The following RTL4 variants were observed in gnomAD, a reference collection of about 807,000 sequenced individuals.
RTL4 encodes retrotransposon Gag-like protein 4.
RTL4 carries 4 observed loss-of-function variants against 5.3 expected under a neutral mutation model. The ratio of observed to expected loss-of-function variants is 0.75; its 90% confidence interval spans 0.37 to 1.72. The LOEUF is 1.72. Among genes scored for constraint, RTL4 ranks in the 40% most tolerant of loss-of-function variants. RTL4 has a pLI of 0.04. For synonymous variants in RTL4, 98 were observed against 87.3 expected (o/e 1.12, Z -0.68); for missense variants, 260 against 227.1 (o/e 1.14, Z -0.93).
At chrX:112,130,160 G>T in the RTL4 span, among the ~76,000 whole-genome samples, 1 of 111,169 alleles carries the variant, frequency 9.0e-6, no homozygotes, top group African/African-American at 3.3e-5. Flanking sequence ...GAAATGTAAA[G>T]GGCCTAGATT....
At chrX:112,089,065 A>T in the RTL4 span, among the ~76,000 whole-genome samples, 2 of 110,369 alleles carry the variant, frequency 1.8e-5, no homozygotes, top group East Asian at 2.8e-4. Flanking sequence ...AAAGTATTAA[A>T]GCTTATTGAA....
chrX:112,236,716 A>G, the RTL4 span, among the ~76,000 whole-genome samples: 6 of 108,470 alleles, frequency 5.5e-5, no homozygotes, highest in African/African-American at 2.0e-4. Flanking sequence ...GGAGATGGAT[A>G]AAATAGTAAA....
the RTL4 span, among the ~76,000 whole-genome samples, chrX:112,138,600 A>G: frequency 2.7e-5 from 3 of 110,982 alleles, no homozygotes; most frequent in African/African-American, 9.8e-5. Context: ...TTAAGTCTTG[A>G]AATTACATGG....
the RTL4 span, among the ~76,000 whole-genome samples, chrX:112,318,431 G>A: frequency 4.5e-5 from 5 of 111,382 alleles, no homozygotes; most frequent in South Asian, 1.5e-3. Context: ...ACAATCCCTG[G>A]CACACATGAG....
chrX:112,440,777 T>C, the RTL4 span, among the ~76,000 whole-genome samples: 2 of 112,106 alleles, frequency 1.8e-5, no homozygotes, highest in Non-Finnish European at 3.8e-5. Flanking sequence ...AGCTGCTATA[T>C]CTAATATGAG....
the RTL4 span, among the ~76,000 whole-genome samples, chrX:112,414,380 T>C: frequency 8.9e-6 from 1 of 111,879 alleles, no homozygotes; most frequent in Admixed American, 9.5e-5. Context: ...TTCAGAGGTT[T>C]AAGTCTCGTT....
the RTL4 span, among the ~76,000 whole-genome samples, chrX:112,190,889 C>T: frequency 2.4e-3 from 267 of 111,806 alleles, 1 homozygote; most frequent in African/African-American, 8.2e-3. Flanking sequence ...GGTGCTACGG[C>T]AATAGTATCC....
the RTL4 span, among the ~76,000 whole-genome samples, chrX:112,436,521 A>G: frequency 8.9e-6 from 1 of 112,163 alleles, no homozygotes. Context: ...CAGTCTCTTT[A>G]TGAACAGAAA....
At chrX:112,368,766 C>CAAT in the RTL4 span, among the ~76,000 whole-genome samples, 1 of 112,047 alleles carries the variant, frequency 8.9e-6, no homozygotes, top group Non-Finnish European at 1.9e-5. Context: ...TATGAACTGA[C>CAAT]AAGCTAAAGT....
At chrX:112,203,803 G>A in the RTL4 span, among the ~76,000 whole-genome samples, 3 of 112,080 alleles carry the variant, frequency 2.7e-5, no homozygotes, top group Non-Finnish European at 5.6e-5. Flanking sequence ...AATTTTGCTA[G>A]GATTTTGATA....
chrX:112,401,763 T>A, the RTL4 span, among the ~76,000 whole-genome samples: 3 of 112,008 alleles, frequency 2.7e-5, no homozygotes, highest in Middle Eastern at 4.6e-3. Flanking sequence ...CAAACTTCAT[T>A]TCTTTCTTCC....
At chrX:112,418,253 A>T in the RTL4 span, among the ~76,000 whole-genome samples, 294 of 112,270 alleles carry the variant, frequency 2.6e-3, no homozygotes, top group African/African-American at 9.0e-3. Context: ...TGGCTGAATT[A>T]TGTGGTGTGA....
the RTL4 span, among the ~76,000 whole-genome samples, chrX:112,164,463 T>C: frequency 8.9e-6 from 1 of 112,097 alleles, no homozygotes; most frequent in Middle Eastern, 4.6e-3. Flanking sequence ...TCTCAATACT[T>C]TAGTCAGCTG....
chrX:112,248,350 G>C, the RTL4 span, among the ~76,000 whole-genome samples: 1 of 112,442 alleles, frequency 8.9e-6, no homozygotes, highest in African/African-American at 3.2e-5. Flanking sequence ...AAAGCAGCTT[G>C]AGTAGCCAGA....
At chrX:112,256,224 A>G in the RTL4 span, among the ~76,000 whole-genome samples, 5 of 112,268 alleles carry the variant, frequency 4.5e-5, no homozygotes, top group Non-Finnish European at 5.6e-5. Flanking sequence ...ATTTGTTCAA[A>G]CATTATGAAA....
At chrX:112,096,030 G>A in the RTL4 span, among the ~76,000 whole-genome samples, 1 of 111,771 alleles carries the variant, frequency 8.9e-6, no homozygotes, top group Admixed American at 9.5e-5. Flanking sequence ...CAAATGACAG[G>A]TGCCTTAAAG....
chrX:112,241,683 G>A, the RTL4 span, among the ~76,000 whole-genome samples: 3 of 112,062 alleles, frequency 2.7e-5, no homozygotes, highest in African/African-American at 9.7e-5. Flanking sequence ...TTGCTGTGGA[G>A]AAGCTCTTTA....
the RTL4 span, among the ~76,000 whole-genome samples, chrX:112,281,516 C>A: frequency 9.0e-6 from 1 of 111,170 alleles, no homozygotes; most frequent in East Asian, 2.8e-4. Flanking sequence ...AGTAGTGGGA[C>A]TTTTGGATGA....
chrX:112,271,069 A>C, the RTL4 span, among the ~76,000 whole-genome samples: 1 of 108,581 alleles, frequency 9.2e-6, no homozygotes, highest in Non-Finnish European at 1.9e-5. Flanking sequence ...AAAAAAAAAA[A>C]AACCCACAAT....
Sources: allele counts gnomAD v4.1 joint callset (sites outside exome capture counted in the v4.1 genomes callset), GRCh38; gene constraint gnomAD v4.1.1; transcripts MANE v1.5; gene names NCBI Gene and HGNC (gene_info 2026-07-23, HGNC 2026-07-21).